The following FRMPD2 variants were observed in gnomAD, a reference collection of about 807,000 sequenced individuals.
The protein encoded by FRMPD2 is FERM and PDZ domain-containing protein 2.
FRMPD2 carries 96 observed loss-of-function variants against 140.1 expected under a neutral mutation model. The ratio of observed to expected loss-of-function variants is 0.69; its 90% CI spans 0.58 to 0.81. FRMPD2 has a LOEUF of 0.81. Ranked by LOEUF, FRMPD2 falls within the 40% of genes least tolerant of loss-of-function variation. FRMPD2 has a pLI of 0.00. For synonymous variants in FRMPD2, 449 were observed against 547.6 expected (o/e 0.82, Z 2.52); for missense variants, 1,240 against 1,447.4 (o/e 0.86, Z 2.32).
intron 15 of FRMPD2, among the ~76,000 whole-genome samples, chr10:48,196,051 A>T (rs1006512985): frequency 6.6e-6 from 1 of 152,172 alleles, no homozygotes; most frequent in Non-Finnish European, 1.5e-5. Flanking sequence ...TTTACAGAGG[A>T]TCGGACTTAT....
intron 15 of FRMPD2, among the ~76,000 whole-genome samples, chr10:48,199,008 A>G (rs1445090498): frequency 2.6e-5 from 4 of 152,232 alleles, no homozygotes; most frequent in Non-Finnish European, 5.9e-5. Context: ...CAAATACTGC[A>G]TGTTCTTCCT....
In FRMPD2 at chr10:48,178,071, A is replaced by G. The variant is rs1231758732; in HGVS notation, c.2871T>C (p.Asp957=). 2 of 1,602,522 alleles carry G rather than the reference A, an allele frequency of 1.2e-6. No homozygotes were observed. The highest frequency in any genetic ancestry group is 1.7e-6 in the Non-Finnish European group (2 of 1,171,530). Residue 957 remains aspartate (D), a synonymous_variant, in exon 22 of 29, where the codon GAT becomes GAC. Transcript: ENST00000374201. The part of the protein sequence containing the change: ...EIYFVELVKE[D]GTLGFSVTGG... The stretch of plus-strand genomic sequence containing the variant: ...CAGTTACACTGAATCCAAGTGTCCC[A>G]TCTTCTTTAACCAGTTCCACAAAGT...
At chr10:48,198,411 T>C (rs865783677) in intron 15 of FRMPD2, among the ~76,000 whole-genome samples, 1 of 152,194 alleles carries the variant, frequency 6.6e-6, no homozygotes, top group Non-Finnish European at 1.5e-5. Flanking sequence ...TAAATAACAT[T>C]GAAAATTTAA....
At chr10:48,208,549 C>T (rs1453411690) in intron 13 of FRMPD2, among the ~76,000 whole-genome samples, 1 of 152,166 alleles carries the variant, frequency 6.6e-6, no homozygotes, top group East Asian at 1.9e-4. Flanking sequence ...GAAAGATGAG[C>T]CTGTTTGCTC....
rs138311088 is a variant in FRMPD2, at chr10:48,260,159, A to G, written c.26-8468T>C. Among the ~76,000 whole-genome samples the G allele has an allele frequency of 2.3e-3, 355 of 152,136 alleles. 3 individuals are homozygous for G. Among genetic ancestry groups the G allele is most frequent in the African/African-American group, 8.2e-3 (342 of 41,486 alleles). On this transcript the variant is annotated intron_variant, in intron 1 of 28. Transcript: ENST00000374201. The stretch of plus-strand genomic sequence containing the variant: ...ATAATGGCTAAGAATAGATAGATAG[A>G]TTGATAGATAGATAGATCTATATAT...
intron 10 of FRMPD2, among the ~76,000 whole-genome samples, chr10:48,225,425 ACT>A (rs1286009348): frequency 6.6e-6 from 1 of 152,206 alleles, no homozygotes; most frequent in Non-Finnish European, 1.5e-5. Context: ...ACAGCTAGCC[ACT>A]CACACAAGAA....
chr10:48,240,198 A>C (rs961226098), intron 6 of FRMPD2, among the ~76,000 whole-genome samples, 162 bp downstream of exon 6: 2 of 152,268 alleles, frequency 1.3e-5, no homozygotes, highest in East Asian at 1.9e-4. Flanking sequence ...AACACAGGTG[A>C]GTCCTAAGCT....
chr10:48,250,180 A>G (rs1033414139), intron 2 of FRMPD2, among the ~76,000 whole-genome samples: 1 of 152,282 alleles, frequency 6.6e-6, no homozygotes, highest in Middle Eastern at 3.4e-3. Context: ...CCCCACCTGC[A>G]GTGCGTGCTC....
chr10:48,239,579 A>G, intron 7 of FRMPD2, 26 bp downstream of exon 7: 1 of 1,585,706 alleles, frequency 6.3e-7, no homozygotes, highest in Non-Finnish European at 8.7e-7. Context: ...TCAAGTTCAC[A>G]GCACCCTTTA....
At chr10:48,210,042 G>A (rs1210547748) in intron 13 of FRMPD2, among the ~76,000 whole-genome samples, 1 of 152,104 alleles carries the variant, frequency 6.6e-6, no homozygotes, top group Non-Finnish European at 1.5e-5. Context: ...ACAGAACAAA[G>A]AGAGAAGGAT....
At chr10:48,198,174 T>C (rs1838996642) in intron 15 of FRMPD2, among the ~76,000 whole-genome samples, 1 of 152,220 alleles carries the variant, frequency 6.6e-6, no homozygotes, top group South Asian at 2.1e-4. Context: ...TTCATTGTTG[T>C]AAGTTTAATA....
At chr10:48,261,233 T>A (rs1290100573) in intron 1 of FRMPD2, among the ~76,000 whole-genome samples, 2 of 151,992 alleles carry the variant, frequency 1.3e-5, no homozygotes, top group African/African-American at 2.4e-5. Context: ...AAAATTTGAA[T>A]AATGGCTGAG....
At chr10:48,237,543 C>A (rs1588847121) in intron 8 of FRMPD2, among the ~76,000 whole-genome samples, 1 of 152,246 alleles carries the variant, frequency 6.6e-6, no homozygotes, top group East Asian at 1.9e-4. Flanking sequence ...TTCCGCCTAA[C>A]CCTATTACCC....
rs1259736646 is a variant in FRMPD2 at position 48,232,095 on chromosome 10, G to A, written c.1168+20C>T. ...ACCAGAGGCACCAGGCCAGCTGTGA[G>A]CTGCCCAAGAGATGCTTACTTTTCA... On this transcript the variant is annotated intron_variant, in intron 10 of 28. Coordinates refer to ENST00000374201, the MANE Select transcript of FRMPD2 (RefSeq NM_001018071.4). 6.2e-7 allele frequency: 1 copy of A among 1,613,606 alleles called. No individual in the cohort carries two copies.
chr10:48,237,723 C>T (rs1213493623), intron 8 of FRMPD2, among the ~76,000 whole-genome samples: 2 of 152,152 alleles, frequency 1.3e-5, no homozygotes, highest in East Asian at 1.9e-4. Context: ...CCCTGCGCAC[C>T]GGTGGCTTCC....
At position 48,181,034 on chromosome 10, in the gene FRMPD2, C is replaced by T. The variant is rs561948635; in HGVS notation, c.2585-26G>A. ...CTATAAAAACAAGCCAAGAAAAAGT[C>T]AACAGCTTAAAAAGGCCGGTTTCTT... On this transcript the variant is annotated intron_variant, in intron 20 of 28. Coordinates refer to ENST00000374201, the MANE Select transcript of FRMPD2 (RefSeq NM_001018071.4). The T allele has an allele frequency of 1.0e-5, 14 of 1,359,676 alleles. 1 individual carries two copies. In the South Asian group the frequency reaches 1.6e-4, roughly 16 times the overall value. The allele number at this position is 1,359,676 out of a possible 1,614,324, so 84.2% of individuals were successfully genotyped here.
rs1334157380 is a variant in FRMPD2, at chr10:48,185,005, G to A, written c.2360-124C>T. 5 of 650,710 alleles carry A rather than the reference G, an allele frequency of 7.7e-6. No homozygotes were observed. In the Admixed American group the frequency reaches 1.5e-4, roughly 20 times the overall value. The allele number at this position is 650,710 out of a possible 1,614,324, so 40.3% of individuals were successfully genotyped here. A position where few individuals can be genotyped will look rare whatever the true frequency, so the allele number is the denominator to read the frequency against. Reference sequence around the variant, plus strand: ...GGCATTAGCTGATAGTTACAGTCAGGTCTTCTGATCCTCAAATAGAGGATC... The same window carrying A: ...GGCATTAGCTGATAGTTACAGTCAGATCTTCTGATCCTCAAATAGAGGATC... On this transcript the variant is annotated intron_variant, in intron 18 of 28. Coordinates refer to ENST00000374201, the MANE Select transcript of FRMPD2 (RefSeq NM_001018071.4).
In FRMPD2 at chr10:48,176,623, T is replaced by A. The variant is rs1213346012; in HGVS notation, c.2896-684A>T. 3.3e-5 allele frequency among the ~76,000 whole-genome samples: 5 copies of A among 152,084 alleles called. No homozygotes were observed. In the East Asian group the frequency reaches 9.6e-4, roughly 29 times the overall value. On this transcript the variant is annotated intron_variant, in intron 22 of 28. Coordinates refer to ENST00000374201, the MANE Select transcript of FRMPD2 (RefSeq NM_001018071.4). The stretch of plus-strand genomic sequence containing the variant: ...TAAATATCTGCAAAGAAAATCCAAG[T>A]TTTTGCCAGCCAAAGGAAATCATCA...
intron 1 of FRMPD2, among the ~76,000 whole-genome samples, chr10:48,269,297 T>C (rs1477400789): frequency 2.0e-5 from 3 of 152,200 alleles, no homozygotes; most frequent in African/African-American, 7.2e-5. Context: ...TTCAGAGCCA[T>C]CTATCAAAAT....
Sources: allele counts gnomAD v4.1 joint callset (sites outside exome capture counted in the v4.1 genomes callset), GRCh38; gene constraint gnomAD v4.1.1; transcripts MANE v1.5; gene names NCBI Gene and HGNC (gene_info 2026-07-23, HGNC 2026-07-21).